Variants in NRG1 observed in about 807,000 individuals in gnomAD.
The protein encoded by NRG1 is neuregulin 1, also known as pro-neuregulin-1, membrane-bound isoform.
Under a neutral mutation model 63.8 loss-of-function variants are expected in NRG1, and 18 were observed. That is an observed-to-expected ratio of 0.28 (90% CI 0.19 to 0.42). The LOEUF is 0.42. NRG1 is among the 10% of genes least tolerant of loss of function. The pLI is 1.00. For missense variants in NRG1, 762 were observed against 814.7 expected (o/e 0.94, Z 0.79); for synonymous variants, 302 against 301.3 (o/e 1.00, Z -0.02).
chr8:32,084,925 T>C (rs1179839374), intron 1 of NRG1, among the ~76,000 whole-genome samples: 1 of 152,142 alleles, frequency 6.6e-6, no homozygotes, highest in Non-Finnish European at 1.5e-5. Context: ...AATTCAGAAG[T>C]ATATTGGAAA....
intron 1 of NRG1, among the ~76,000 whole-genome samples, chr8:32,345,609 A>C (rs994368205): frequency 6.6e-6 from 1 of 152,210 alleles, no homozygotes; most frequent in Non-Finnish European, 1.5e-5. Flanking sequence ...TCACTACAGC[A>C]CAATACATGA....
chr8:32,237,713 A>G (rs113410610), intron 1 of NRG1, among the ~76,000 whole-genome samples: 10 of 152,262 alleles, frequency 6.6e-5, no homozygotes, highest in African/African-American at 1.7e-4. Context: ...AGAAACATCA[A>G]TTGAAACCAC....
chr8:32,336,404 C>T (rs151308602), intron 1 of NRG1, among the ~76,000 whole-genome samples: 53 of 152,198 alleles, frequency 3.5e-4, no homozygotes, highest in African/African-American at 1.2e-3. Context: ...TTCCAAAACC[C>T]TCATGGGTAG....
chr8:32,590,349 C>T (rs932565105), intron 1 of NRG1, among the ~76,000 whole-genome samples: 16 of 152,096 alleles, frequency 1.1e-4, no homozygotes, highest in African/African-American at 3.1e-4. Flanking sequence ...GTGGAACTAC[C>T]GCCTCTCTAG....
intron 5 of NRG1, among the ~76,000 whole-genome samples, chr8:32,658,209 C>A (rs140029093): frequency 7.9e-5 from 12 of 152,264 alleles, no homozygotes; most frequent in Non-Finnish European, 1.8e-4. Flanking sequence ...GGGATCAATA[C>A]AAGGATTCTC....
chr8:31,769,363 G>A (rs1056374256), intron 1 of NRG1, among the ~76,000 whole-genome samples: 2 of 152,132 alleles, frequency 1.3e-5, no homozygotes, highest in Non-Finnish European at 2.9e-5. Flanking sequence ...CATATTCTGT[G>A]TTGACCCAAG....
chr8:31,946,719 T>C (rs1802604143), intron 1 of NRG1, among the ~76,000 whole-genome samples: 3 of 152,200 alleles, frequency 2.0e-5, no homozygotes, highest in African/African-American at 4.8e-5. Context: ...AGGAGGATAC[T>C]GCCTGTGCCT....
At chr8:32,604,503 G>A (rs1296551932) in intron 2 of NRG1, among the ~76,000 whole-genome samples, 3 of 152,018 alleles carry the variant, frequency 2.0e-5, no homozygotes, top group East Asian at 1.9e-4. Flanking sequence ...CTCCCTTGTC[G>A]TTATCCCCTT....
At chr8:32,708,200 T>C (rs1816931325) in intron 5 of NRG1, among the ~76,000 whole-genome samples, 1 of 152,178 alleles carries the variant, frequency 6.6e-6, no homozygotes, top group African/African-American at 2.4e-5. Context: ...CTGAAATAGT[T>C]AAACAGATTA....
chr8:31,680,203 C>T (rs1158671059), intron 1 of NRG1, among the ~76,000 whole-genome samples: 1 of 151,840 alleles, frequency 6.6e-6, no homozygotes, highest in Non-Finnish European at 1.5e-5. Context: ...AGGTTAGTTA[C>T]ATATGTATAC....
chr8:32,309,197 C>G (rs1464798340), intron 1 of NRG1, among the ~76,000 whole-genome samples: 1 of 152,116 alleles, frequency 6.6e-6, no homozygotes, highest in Non-Finnish European at 1.5e-5. Context: ...GAGGGGTACC[C>G]TTGCCTTACC....
At chr8:32,537,123 G>A (rs1310108957) in intron 1 of NRG1, among the ~76,000 whole-genome samples, 1 of 143,248 alleles carries the variant, frequency 7.0e-6, no homozygotes, top group Non-Finnish European at 1.5e-5. Context: ...TTGAACCTGG[G>A]AGGTGGAGGT....
chr8:32,702,966 G>A (rs1309253965), intron 5 of NRG1, among the ~76,000 whole-genome samples: 1 of 152,166 alleles, frequency 6.6e-6, no homozygotes, highest in East Asian at 1.9e-4. Flanking sequence ...AAGCATAAAA[G>A]TTAGCAAATG....
intron 1 of NRG1, among the ~76,000 whole-genome samples, chr8:32,373,054 G>A (rs1587165312): frequency 6.6e-6 from 1 of 152,138 alleles, no homozygotes; most frequent in Non-Finnish European, 1.5e-5. Context: ...GACAAGCTGC[G>A]ATAAGCCCTT....
chr8:32,434,557 C>T (rs1262148416), intron 1 of NRG1, among the ~76,000 whole-genome samples: 1 of 152,126 alleles, frequency 6.6e-6, no homozygotes, highest in Non-Finnish European at 1.5e-5. Context: ...CTGGGAGTTA[C>T]AGCCCTCTGG....
At chr8:32,372,878 C>T (rs1218426356) in intron 1 of NRG1, among the ~76,000 whole-genome samples, 1 of 152,114 alleles carries the variant, frequency 6.6e-6, no homozygotes, top group Admixed American at 6.5e-5. Context: ...AAAGAAAAAC[C>T]CATCCCCTGG....
chr8:32,720,434 G>A (rs974867303), intron 5 of NRG1, among the ~76,000 whole-genome samples: 4 of 152,070 alleles, frequency 2.6e-5, no homozygotes, highest in South Asian at 2.1e-4. Context: ...CAGGCTAGAC[G>A]GATTGTACTC....
At chr8:32,692,843 C>G (rs1365746992) in intron 5 of NRG1, among the ~76,000 whole-genome samples, 1 of 152,168 alleles carries the variant, frequency 6.6e-6, no homozygotes, top group Non-Finnish European at 1.5e-5. Flanking sequence ...CCTTCCTTCT[C>G]TACCGCCACT....
At chr8:32,306,871 G>A (rs974717216) in intron 1 of NRG1, among the ~76,000 whole-genome samples, 2 of 152,206 alleles carry the variant, frequency 1.3e-5, no homozygotes, top group Middle Eastern at 6.8e-3. Context: ...TCGTGATCTG[G>A]GGTTTTATCA....
Sources: allele counts gnomAD v4.1 joint callset (sites outside exome capture counted in the v4.1 genomes callset), GRCh38; gene constraint gnomAD v4.1.1; transcripts MANE v1.5; gene names NCBI Gene and HGNC (gene_info 2026-07-23, HGNC 2026-07-21).